ADAMTSL1: variants seen among roughly 807,000 people sequenced by gnomAD.
ADAMTSL1 encodes the protein ADAMTS-like protein 1.
ADAMTSL1 carries 126 observed loss-of-function variants against 201.8 expected under a neutral mutation model. That is an observed-to-expected ratio of 0.62 (90% CI 0.54 to 0.72). The LOEUF (loss-of-function observed/expected upper bound fraction) is 0.72, where lower values mean the gene tolerates loss of function less well. ADAMTSL1 is among the 30% of genes least tolerant of loss of function. The pLI, the probability that ADAMTSL1 is intolerant of heterozygous loss-of-function variation, is 0.00. For missense variants in ADAMTSL1, 2,679 were observed against 2,277.8 expected, an observed-to-expected ratio of 1.18 and a Z score of -3.59; for synonymous variants, 1,121 against 903.4, an observed-to-expected ratio of 1.24 and a Z score of -4.32.
At chr9:18,614,338 G>A (rs1238702804) in intron 4 of ADAMTSL1, among the ~76,000 whole-genome samples, 1 of 152,116 alleles carries the variant, frequency 6.6e-6, no homozygotes, top group Non-Finnish European at 1.5e-5. Context: ...ATAGACTAGA[G>A]AGATGCTCAT....
intron 2 of ADAMTSL1, among the ~76,000 whole-genome samples, chr9:18,447,825 G>C (rs929381834): frequency 5.3e-5 from 8 of 152,214 alleles, no homozygotes; most frequent in Non-Finnish European, 7.3e-5. Flanking sequence ...GGGGCCTGGT[G>C]ACAGTAGCTC....
At chr9:18,299,091 C>T (rs1012642427) in intron 2 of ADAMTSL1, among the ~76,000 whole-genome samples, 2 of 151,984 alleles carry the variant, frequency 1.3e-5, no homozygotes, top group Middle Eastern at 3.2e-3. Flanking sequence ...ATTTAGTTCT[C>T]ATAATAGCTG....
At chr9:18,532,519 A>G (rs1377356970) in intron 2 of ADAMTSL1, among the ~76,000 whole-genome samples, 3 of 152,144 alleles carry the variant, frequency 2.0e-5, no homozygotes, top group South Asian at 2.1e-4. Context: ...ATAGAATATT[A>G]TGTAGCTCTC....
chr9:18,764,837 A>G (rs1422597649), intron 16 of ADAMTSL1, among the ~76,000 whole-genome samples: 2 of 152,162 alleles, frequency 1.3e-5, no homozygotes, highest in African/African-American at 4.8e-5. Flanking sequence ...ATTTTTTAAA[A>G]CTTTTCTTGC....
At chr9:18,433,022 C>T (rs1281903519) in intron 2 of ADAMTSL1, among the ~76,000 whole-genome samples, 1 of 152,110 alleles carries the variant, frequency 6.6e-6, no homozygotes, top group Non-Finnish European at 1.5e-5. Context: ...TTTCATCTTT[C>T]TCACTATTTA....
In ADAMTSL1 at chr9:18,538,448, G is replaced by A. The variant is rs563853401; in HGVS notation, c.237+5156G>A. Among the ~76,000 whole-genome samples the A allele has an allele frequency of 4.6e-5, 7 of 152,090 alleles. No homozygotes were observed. In the South Asian group the frequency reaches 1.5e-3, roughly 32 times the overall value. ...AGATTTGAAATGAATGACCTCAAAG[G>A]TCCCGTCCACCTCTGAAATTCTATA... On this transcript the variant is annotated intron_variant, in intron 3 of 28. Coordinates refer to ENST00000380548, the MANE Select transcript of ADAMTSL1 (RefSeq NM_001040272.6).
intron 1 of ADAMTSL1, among the ~76,000 whole-genome samples, chr9:18,036,300 A>G (rs776468270): frequency 1.6e-4 from 25 of 152,182 alleles, no homozygotes; most frequent in Admixed American, 2.0e-4. Flanking sequence ...AACTCCTTCT[A>G]TGGAATTTTC....
At chr9:18,284,973 T>A (rs1295752536) in intron 2 of ADAMTSL1, among the ~76,000 whole-genome samples, 1 of 152,184 alleles carries the variant, frequency 6.6e-6, no homozygotes, top group Admixed American at 6.5e-5. Flanking sequence ...ACTTTCAATG[T>A]TTTTCTATGT....
chr9:18,005,495 C>T lies in ADAMTSL1; in HGVS notation c.87+98573C>T, dbSNP rs148189164. ...TGACCAAAGACACACAGCTTATTGC[C>T]AATCCAGTCTATAACTCAGCCCCAA... On this transcript the variant is annotated intron_variant, in intron 1 of 29. Coordinates refer to the ADAMTSL1 transcript ENST00000680146. Among the ~76,000 whole-genome samples, 145 of 152,152 alleles carry T rather than the reference C, an allele frequency of 9.5e-4. 1 individual carries two copies. Among genetic ancestry groups the T allele is most frequent in the African/African-American group, 3.4e-3 (141 of 41,556 alleles).
At chr9:17,985,444 T>C (rs1227768736) in intron 1 of ADAMTSL1, among the ~76,000 whole-genome samples, 1 of 152,110 alleles carries the variant, frequency 6.6e-6, no homozygotes, top group East Asian at 1.9e-4. Flanking sequence ...TAGGCAGATT[T>C]AACCACAAGG....
chr9:18,006,470 G>A (rs993790950), intron 1 of ADAMTSL1, among the ~76,000 whole-genome samples: 3 of 151,944 alleles, frequency 2.0e-5, no homozygotes, highest in African/African-American at 7.2e-5. Flanking sequence ...GAAGATTCTT[G>A]TGTTCAACTT....
intron 1 of ADAMTSL1, among the ~76,000 whole-genome samples, chr9:18,030,803 A>G (rs10963397): frequency 0.19 from 29,609 of 152,026 alleles, 3,350 homozygotes; most frequent in East Asian, 0.37. Flanking sequence ...ATGCCAATGA[A>G]TCATAGGTTT....
chr9:18,373,759 G>C (rs949163615), intron 2 of ADAMTSL1, among the ~76,000 whole-genome samples: 1 of 152,186 alleles, frequency 6.6e-6, no homozygotes, highest in Non-Finnish European at 1.5e-5. Flanking sequence ...AGAGTGCCAA[G>C]TTACAAACAG....
At chr9:18,901,676 G>C (rs193126357) in intron 26 of ADAMTSL1, among the ~76,000 whole-genome samples, 6 of 152,208 alleles carry the variant, frequency 3.9e-5, no homozygotes, top group African/African-American at 9.6e-5. Flanking sequence ...AGAAGAATGA[G>C]AAAGGAAGCA....
chr9:18,486,207 A>G (rs991772054), intron 1 of ADAMTSL1, among the ~76,000 whole-genome samples: 1 of 152,208 alleles, frequency 6.6e-6, no homozygotes, highest in South Asian at 2.1e-4. Context: ...TTTTTGACCT[A>G]CAGTTAGGGA....
intron 1 of ADAMTSL1, among the ~76,000 whole-genome samples, chr9:17,915,079 A>G (rs1284261069): frequency 6.6e-6 from 1 of 152,188 alleles, no homozygotes; most frequent in Non-Finnish European, 1.5e-5. Context: ...GGTATACTGC[A>G]CATGTTTAAA....
chr9:17,957,737 C>T (rs1224756674), intron 1 of ADAMTSL1, among the ~76,000 whole-genome samples: 4 of 152,038 alleles, frequency 2.6e-5, no homozygotes, highest in Admixed American at 2.6e-4. Flanking sequence ...TGACTGGTGT[C>T]CATGTAAGAA....
chr9:18,505,108 T>A, intron 2 of ADAMTSL1, 152 bp downstream of exon 2: 5 of 1,082,094 alleles, frequency 4.6e-6, no homozygotes. Flanking sequence ...ATTAAATTTG[T>A]GTTCTTACGT....
chr9:18,076,556 G>C (rs567214527), intron 1 of ADAMTSL1, among the ~76,000 whole-genome samples: 1 of 152,196 alleles, frequency 6.6e-6, no homozygotes, highest in Non-Finnish European at 1.5e-5. Context: ...TTAGGAAGCT[G>C]TCTTGAGAAA....
Sources: gnomAD v4.1 joint callset for allele counts (sites outside exome capture counted in the v4.1 genomes callset) on GRCh38, gnomAD v4.1.1 for gene constraint, MANE v1.5 for transcripts, NCBI Gene and HGNC (gene_info 2026-07-23, HGNC 2026-07-21) for gene names.